PRKD1: variants seen among roughly 807,000 people sequenced by gnomAD.
PRKD1 encodes the protein protein kinase D1.
PRKD1 carries 63 observed loss-of-function variants against 95.9 expected under a neutral mutation model. The observed-to-expected ratio is 0.66, with a 90% confidence interval of 0.54 to 0.81. The LOEUF is 0.81. PRKD1 is among the 30% of genes least tolerant of loss of function. The pLI is 0.00. For synonymous variants in PRKD1, 425 were observed against 423.1 expected (o/e 1.00, Z -0.05); for missense variants, 1,048 against 1,165.3 (o/e 0.90, Z 1.47).
intron 1 of PRKD1, among the ~76,000 whole-genome samples, chr14:29,800,919 A>G (rs1259231321): frequency 1.3e-5 from 2 of 152,178 alleles, no homozygotes; most frequent in Non-Finnish European, 2.9e-5. Context: ...AAATTACTAT[A>G]TGGTATATAC....
chr14:29,740,929 A>G (rs1886954238), intron 1 of PRKD1, among the ~76,000 whole-genome samples: 1 of 152,262 alleles, frequency 6.6e-6, no homozygotes, highest in African/African-American at 2.4e-5. Context: ...CAGTCATTAA[A>G]AAGAATGAGG....
intron 2 of PRKD1, among the ~76,000 whole-genome samples, chr14:29,711,917 T>G (rs1479817352): frequency 1.3e-5 from 2 of 152,168 alleles, no homozygotes; most frequent in Non-Finnish European, 2.9e-5. Context: ...TGTTTTTAAG[T>G]CTGTGAAATT....
chr14:29,874,583 C>T (rs943970683), intron 1 of PRKD1, among the ~76,000 whole-genome samples: 10 of 152,146 alleles, frequency 6.6e-5, no homozygotes, highest in Non-Finnish European at 1.5e-4. Context: ...ACAGAATCAA[C>T]CTAAGTGTCC....
intron 1 of PRKD1, among the ~76,000 whole-genome samples, chr14:29,859,894 G>C (rs913639388): frequency 6.6e-6 from 1 of 152,118 alleles, no homozygotes; most frequent in Admixed American, 6.5e-5. Flanking sequence ...CTCAGTCTAA[G>C]ATATTTCTTT....
chr14:29,688,789 C>A (rs1884035820), intron 2 of PRKD1, among the ~76,000 whole-genome samples: 1 of 151,222 alleles, frequency 6.6e-6, no homozygotes, highest in African/African-American at 2.4e-5. Flanking sequence ...AAAAATTAGC[C>A]GGGCGTGGCA....
chr14:29,926,095 A>G (rs1594632726), intron 1 of PRKD1, among the ~76,000 whole-genome samples: 1 of 152,200 alleles, frequency 6.6e-6, no homozygotes, highest in African/African-American at 2.4e-5. Context: ...AACTTTCACA[A>G]CTTTCTAGAT....
chr14:29,893,781 T>C (rs1482666472), intron 1 of PRKD1, among the ~76,000 whole-genome samples: 1 of 152,150 alleles, frequency 6.6e-6, no homozygotes, highest in Non-Finnish European at 1.5e-5. Flanking sequence ...CAGTTCTAAG[T>C]GTGCTCCTAG....
At chr14:29,927,204 T>C in intron 1 of PRKD1, 45 bp downstream of exon 1, 1 of 1,449,468 alleles carries the variant, frequency 6.9e-7, no homozygotes, top group Non-Finnish European at 9.1e-7. Flanking sequence ...CAGCGCCCCC[T>C]GCGCCGCGGG....
At chr14:29,656,151 G>C (rs912331886) in intron 4 of PRKD1, among the ~76,000 whole-genome samples, 1 of 152,038 alleles carries the variant, frequency 6.6e-6, no homozygotes, top group Non-Finnish European at 1.5e-5. Context: ...TGTCTGCTCA[G>C]TTTCATTAAA....
At chr14:29,842,111 T>A (rs995262718) in intron 1 of PRKD1, among the ~76,000 whole-genome samples, 4 of 152,192 alleles carry the variant, frequency 2.6e-5, no homozygotes, top group African/African-American at 4.8e-5. Context: ...ATAACATGCA[T>A]GGAGATGTCA....
At chr14:29,641,966 C>T (rs1179989695) in intron 4 of PRKD1, among the ~76,000 whole-genome samples, 2 of 135,650 alleles carry the variant, frequency 1.5e-5, no homozygotes, top group African/African-American at 5.7e-5. Context: ...TGCAATGGGG[C>T]ATTCTCGGCT....
At chr14:29,810,261 A>G (rs1054106831) in intron 1 of PRKD1, among the ~76,000 whole-genome samples, 6 of 152,224 alleles carry the variant, frequency 3.9e-5, no homozygotes, top group Non-Finnish European at 7.3e-5. Flanking sequence ...TACTGGAAAA[A>G]TGGCAACAAT....
At chr14:29,657,794 A>C (rs575700609) in intron 4 of PRKD1, 1 of 152,294 alleles carries the variant, frequency 6.6e-6, no homozygotes, top group Non-Finnish European at 1.5e-5. Flanking sequence ...GTGAACCCGG[A>C]AGGCGGAGCT....
chr14:29,896,441 A>G (rs761104817), intron 1 of PRKD1, among the ~76,000 whole-genome samples: 2 of 152,068 alleles, frequency 1.3e-5, no homozygotes, highest in Admixed American at 1.3e-4. Context: ...AACAGGTAAT[A>G]TTTGCTTAGG....
rs755564149 is a variant in PRKD1 at position 29,577,199 on chromosome 14, T to C, written c.*39A>G. ...GTTAAACCTGACCGTATGTATTTAT[T>C]AGTTCCACAGTGTTTTGACAGATTA... On this transcript the variant is annotated 3_prime_UTR_variant, in exon 18 of 18. Coordinates refer to ENST00000331968, the MANE Select transcript of PRKD1 (RefSeq NM_002742.3). 52 of 1,564,744 alleles carry C rather than the reference T, an allele frequency of 3.3e-5. No homozygotes were observed. The South Asian group carries it at 5.8e-4, about 17-fold the overall frequency.
chr14:29,733,263 T>C (rs924015027), intron 1 of PRKD1, among the ~76,000 whole-genome samples: 5 of 151,846 alleles, frequency 3.3e-5, no homozygotes, highest in African/African-American at 9.6e-5. Flanking sequence ...CCACCACACC[T>C]GGCTAATTTT....
chr14:29,777,695 G>A (rs1888834285), intron 1 of PRKD1, among the ~76,000 whole-genome samples: 1 of 152,030 alleles, frequency 6.6e-6, no homozygotes, highest in Admixed American at 6.5e-5. Context: ...AGTAATAATG[G>A]GAGACTTTAC....
At chr14:29,744,443 C>G (rs912244043) in intron 1 of PRKD1, among the ~76,000 whole-genome samples, 3 of 152,178 alleles carry the variant, frequency 2.0e-5, no homozygotes, top group Admixed American at 1.3e-4. Flanking sequence ...CTCCCTAGTC[C>G]AAGCCACAAC....
intron 2 of PRKD1, among the ~76,000 whole-genome samples, chr14:29,672,544 C>T (rs1379009034): frequency 6.6e-6 from 1 of 151,778 alleles, no homozygotes; most frequent in African/African-American, 2.4e-5. Flanking sequence ...TCTCTGGTGA[C>T]AAGATGACTT....
Sources: allele counts gnomAD v4.1 joint callset (sites outside exome capture counted in the v4.1 genomes callset), GRCh38; gene constraint gnomAD v4.1.1; transcripts MANE v1.5; gene names NCBI Gene and HGNC (gene_info 2026-07-23, HGNC 2026-07-21).